HHAT: variants seen among roughly 807,000 people sequenced by gnomAD.
The protein encoded by HHAT is hedgehog acyltransferase.
In HHAT, 47 loss-of-function variants were observed where a neutral mutation model predicts 70.8. The observed-to-expected ratio is 0.66, with a 90% CI of 0.53 to 0.85. The LOEUF (loss-of-function observed/expected upper bound fraction) is 0.85, where lower values mean the gene tolerates loss of function less well. HHAT is among the 40% of genes least tolerant of loss of function. HHAT has a pLI of 0.00. For missense variants in HHAT, 609 were observed against 604.8 expected, an observed-to-expected ratio of 1.01 and a Z score of -0.07; for synonymous variants, 228 against 247.6, an observed-to-expected ratio of 0.92 and a Z score of 0.74.
chr1:210,663,343 G>A (rs1041163182), intron 11 of HHAT, among the ~76,000 whole-genome samples: 4 of 152,120 alleles, frequency 2.6e-5, no homozygotes, highest in Non-Finnish European at 5.9e-5. Flanking sequence ...TGAAGGCCAA[G>A]GATTTAAAGG....
intron 8 of HHAT, among the ~76,000 whole-genome samples, chr1:210,470,617 C>A (rs2094187406): frequency 6.6e-6 from 1 of 152,152 alleles, no homozygotes; most frequent in South Asian, 2.1e-4. Flanking sequence ...GATAGTGTGT[C>A]CTCTTCTCCA....
chr1:210,663,881 G>A lies in HHAT; in HGVS notation c.1391-10407G>A, dbSNP rs771869478. On this transcript the variant is annotated intron_variant, in intron 11 of 11. Transcript: ENST00000261458. Reference sequence around the variant, plus strand: ...TTCTGGGATTTTCTGCTTCAATTTCGAATAGATGACAACCATCTAGTCCTT... The same window carrying A: ...TTCTGGGATTTTCTGCTTCAATTTCAAATAGATGACAACCATCTAGTCCTT... Among the ~76,000 whole-genome samples, 9 of 152,310 alleles carry A rather than the reference G, an allele frequency of 5.9e-5. No individual in the cohort carries two copies. The South Asian group carries it at 8.3e-4, about 14-fold the overall frequency.
At chr1:210,620,129 G>A (rs1668545050) in intron 10 of HHAT, among the ~76,000 whole-genome samples, 1 of 152,230 alleles carries the variant, frequency 6.6e-6, no homozygotes, top group South Asian at 2.1e-4. Flanking sequence ...CTATGGAAAG[G>A]AGAGTGTAAG....
chr1:210,656,169 A>G lies in HHAT; in HGVS notation c.1391-18119A>G, dbSNP rs143319868. Among the ~76,000 whole-genome samples, 439 of 152,238 alleles carry G rather than the reference A, an allele frequency of 2.9e-3. 1 individual carries two copies. The highest frequency in any genetic ancestry group is 0.014 in the East Asian group (73 of 5,168). ...TTCTAGAGTGACATAGACTAAGTCC[A>G]TTTCCCTTTCCAGGTGACCTCATGG... On this transcript the variant is annotated intron_variant, in intron 11 of 11. Transcript: ENST00000261458.
chr1:210,633,603 C>T (rs1018209046), intron 11 of HHAT, among the ~76,000 whole-genome samples: 3 of 152,160 alleles, frequency 2.0e-5, no homozygotes, highest in African/African-American at 7.2e-5. Flanking sequence ...TTCCAGCCCC[C>T]GCCTGACTTC....
At chr1:210,459,482 CAT>C (rs889466744) in intron 7 of HHAT, among the ~76,000 whole-genome samples, 14 of 152,146 alleles carry the variant, frequency 9.2e-5, no homozygotes, top group African/African-American at 3.1e-4. Context: ...GCTGTACACA[CAT>C]GTGTACAACT....
chr1:210,614,493 T>G (rs1187724743), intron 10 of HHAT, among the ~76,000 whole-genome samples: 3 of 152,184 alleles, frequency 2.0e-5, no homozygotes, highest in African/African-American at 7.2e-5. Flanking sequence ...ACATGTGCCA[T>G]GTTGGTGTGC....
chr1:210,390,448 A>C (rs983218823), intron 4 of HHAT, among the ~76,000 whole-genome samples: 1 of 147,738 alleles, frequency 6.8e-6, no homozygotes, highest in Admixed American at 6.9e-5. Context: ...TTGCTTCAAA[A>C]TATATAAAGC....
At chr1:210,337,526 G>A (rs763215038) in intron 1 of HHAT, among the ~76,000 whole-genome samples, 17 of 152,068 alleles carry the variant, frequency 1.1e-4, no homozygotes, top group Non-Finnish European at 1.6e-4. Flanking sequence ...TTTTGTTGTC[G>A]TTGCCTTTTC....
rs562132121 is a variant in HHAT at position 210,371,008 on chromosome 1, G to A, written c.159+8089G>A. Among the ~76,000 whole-genome samples, 6 of 152,142 alleles carry A rather than the reference G, an allele frequency of 3.9e-5. No individual in the cohort carries two copies. In the South Asian group the frequency reaches 8.3e-4, roughly 21 times the overall value. ...CATCTTACATTTTTCCTACCTGTCC[G>A]CAAATTTACATGTCAGGAAGAAAAT... On this transcript the variant is annotated intron_variant, in intron 3 of 11. Transcript: ENST00000261458.
chr1:210,431,474 G>A (rs2093241685), intron 7 of HHAT, among the ~76,000 whole-genome samples: 1 of 151,848 alleles, frequency 6.6e-6, no homozygotes, highest in Non-Finnish European at 1.5e-5. Context: ...ATTTGAAAAA[G>A]ATGCTTTCAC....
chr1:210,661,805 C>T (rs1308594164), intron 11 of HHAT, among the ~76,000 whole-genome samples: 1 of 151,814 alleles, frequency 6.6e-6, no homozygotes, highest in Non-Finnish European at 1.5e-5. Context: ...ACCGTAAACA[C>T]CACATGTTCT....
At chr1:210,533,952 G>A (rs567512873) in intron 9 of HHAT, among the ~76,000 whole-genome samples, 44 of 152,242 alleles carry the variant, frequency 2.9e-4, no homozygotes, top group Non-Finnish European at 5.4e-4. Flanking sequence ...GAATACTCAC[G>A]GGTCCCCAAA....
intron 9 of HHAT, among the ~76,000 whole-genome samples, chr1:210,528,018 C>T (rs1460083500): frequency 6.6e-6 from 1 of 152,158 alleles, no homozygotes; most frequent in African/African-American, 2.4e-5. Flanking sequence ...GGCAAGAAAC[C>T]CTACTTGTTC....
At chr1:210,423,092 G>A (rs1381925225) in intron 7 of HHAT, among the ~76,000 whole-genome samples, 1 of 152,102 alleles carries the variant, frequency 6.6e-6, no homozygotes, top group Non-Finnish European at 1.5e-5. Context: ...CACAGTACTG[G>A]GATTGCTGGA....
intron 7 of HHAT, among the ~76,000 whole-genome samples, chr1:210,452,258 G>A (rs1269922152): frequency 1.3e-5 from 2 of 152,150 alleles, no homozygotes; most frequent in African/African-American, 4.8e-5. Context: ...CAAAGGCTGA[G>A]CAAGGAGGTG....
chr1:210,550,185 TTC>T (rs779944174), intron 9 of HHAT, among the ~76,000 whole-genome samples: 3 of 149,506 alleles, frequency 2.0e-5, no homozygotes, highest in Non-Finnish European at 4.4e-5. Context: ...CCACACAGAC[TTC>T]TCTCTTTTCT....
chr1:210,453,747 CT>C (rs2093803477), intron 7 of HHAT, among the ~76,000 whole-genome samples: 1 of 152,088 alleles, frequency 6.6e-6, no homozygotes, highest in East Asian at 1.9e-4. Context: ...GGATTCTTTA[CT>C]TTTTTGAAGG....
Position 210,386,230 on chromosome 1 carries a change from C to CTTTTTTTTTTTTTTTTTTTTTTT in HHAT, c.160-1234_160-1212dup, listed in dbSNP as rs869305965. Among the ~76,000 whole-genome samples the CTTTTTTTTTTTTTTTTTTTTTTT allele has an allele frequency of 8.6e-5, 6 of 69,926 alleles. 1 individual carries two copies. Among genetic ancestry groups the CTTTTTTTTTTTTTTTTTTTTTTT allele is most frequent in the African/African-American group, 3.1e-4 (5 of 16,048 alleles). The allele number at this position is 69,926 out of a possible 152,430, so 45.9% of individuals were successfully genotyped here. On this transcript the variant is annotated intron_variant, in intron 3 of 11. Transcript: ENST00000261458. ...ATTGCAGGAGTCCTTTTCTTTTTTTCTTTTTTTTTTTTTTTTTTTTTTTTT... is the reference window on the plus strand; with the variant it reads ...ATTGCAGGAGTCCTTTTCTTTTTTTCTTTTTTTTTTTTTTTTTTTTTTTTTTTTTTTTTTTTTTTTTTTTTTTT...
Sources: allele counts gnomAD v4.1 joint callset (sites outside exome capture counted in the v4.1 genomes callset), GRCh38; gene constraint gnomAD v4.1.1; transcripts MANE v1.5; gene names NCBI Gene and HGNC (gene_info 2026-07-23, HGNC 2026-07-21).